Variants in MRPL54 observed in about 807,000 individuals in gnomAD.
MRPL54 encodes the protein mitochondrial ribosomal protein L54, also known as large ribosomal subunit protein mL54.
A neutral mutation model predicts 15.6 loss-of-function variants in MRPL54; 12 were observed. The observed-to-expected ratio is 0.77, with a 90% confidence interval of 0.49 to 1.24. MRPL54 has a LOEUF of 1.24. Among genes scored for constraint, MRPL54 ranks in the 50% most tolerant of loss-of-function variants. The pLI, the probability that MRPL54 is intolerant of heterozygous loss-of-function variation, is 0.00. For synonymous variants in MRPL54, 91 were observed against 75.7 expected (o/e 1.20, Z -1.05); for missense variants, 178 against 186.8 (o/e 0.95, Z 0.28).
chr19:3,765,366 T>A, intron 2 of MRPL54, 35 bp downstream of exon 2: 1 of 1,606,210 alleles, frequency 6.2e-7, no homozygotes, highest in Non-Finnish European at 8.5e-7. Flanking sequence ...CTGCAATGAC[T>A]ATTCCTTCCT....
rs148464598 is a variant in MRPL54 at position 3,766,457 on chromosome 19, G to A, written c.285-804G>A. ...TTGAACTCCTGACCTCAGGTGATCC[G>A]CCCACCTCGGCCTCCCAAAGTGCTG... On this transcript the variant is annotated intron_variant, in intron 2 of 2. Coordinates refer to ENST00000330133, the MANE Select transcript of MRPL54 (RefSeq NM_172251.3). Among the ~76,000 whole-genome samples the A allele has an allele frequency of 4.6e-3, 703 of 152,222 alleles. 12 individuals are homozygous for A. Among genetic ancestry groups the A allele is most frequent in the African/African-American group, 0.016 (669 of 41,562 alleles).
At chr19:3,765,026 CAAA>C (rs368567858) in intron 1 of MRPL54, 137 bp from the exon 2 acceptor site, 1,930 of 670,886 alleles carry the variant, frequency 2.9e-3, no homozygotes, top group South Asian at 4.5e-3. Context: ...GACTCCGTCT[CAAA>C]AAAAAAAAAA....
In MRPL54 at chr19:3,767,361, C is replaced by T. The variant is rs762191607; in HGVS notation, c.385C>T (p.His129Tyr). Reference protein sequence around the residue: ...RRLRKQNIWRHNRLSKNKRL With the variant: ...RRLRKQNIWRYNRLSKNKRL ...GCTGCGGAAACAGAACATCTGGCGC[C>T]ACAACCGGCTGAGCAAGAACAAGAG... The change falls in exon 3 of 3, where the codon CAC (histidine) becomes TAC (tyrosine). Residue 129 changes from histidine (H) to tyrosine (Y), a missense_variant. By Grantham distance (83) the His-to-Tyr change is moderately conservative. Coordinates refer to ENST00000330133, the MANE Select transcript of MRPL54 (RefSeq NM_172251.3). 3 of 1,610,452 alleles carry T rather than the reference C, an allele frequency of 1.9e-6. No individual in the cohort carries two copies. The South Asian group carries it at 3.3e-5, about 18-fold the overall frequency.
chr19:3,762,892 G>C, intron 1 of MRPL54, 74 bp downstream of exon 1: 1 of 1,268,366 alleles, frequency 7.9e-7, no homozygotes, highest in Non-Finnish European at 1.1e-6. Context: ...GGCGGTGGTT[G>C]GGGAGGTGGT....
intron 1 of MRPL54, 131 bp from the exon 2 acceptor site, chr19:3,765,035 A>C: frequency 1.0e-6 from 1 of 998,718 alleles, no homozygotes; most frequent in Non-Finnish European, 1.4e-6. Context: ...TCAAAAAAAA[A>C]AAAAAAGAAA....
intron 1 of MRPL54, among the ~76,000 whole-genome samples, chr19:3,763,491 G>A (rs2037170254): frequency 6.6e-6 from 1 of 152,010 alleles, no homozygotes; most frequent in Non-Finnish European, 1.5e-5. Flanking sequence ...AAGTGATTTC[G>A]AGGCCAGGCA....
At chr19:3,765,441 A>G (rs1440179240) in intron 2 of MRPL54, 110 bp downstream of exon 2, 2 of 1,220,470 alleles carry the variant, frequency 1.6e-6, no homozygotes, top group Non-Finnish European at 2.3e-6. Context: ...TAATAGTCAC[A>G]CCTACCCATC....
chr19:3,766,426 C>T (rs1284811123), intron 2 of MRPL54, among the ~76,000 whole-genome samples: 2 of 152,132 alleles, frequency 1.3e-5, no homozygotes, highest in Non-Finnish European at 2.9e-5. Flanking sequence ...GTTGGCCAGG[C>T]TGGTCTTGAA....
At chr19:3,766,849 G>T (rs2037202979) in intron 2 of MRPL54, among the ~76,000 whole-genome samples, 1 of 152,234 alleles carries the variant, frequency 6.6e-6, no homozygotes, top group South Asian at 2.1e-4. Flanking sequence ...GAACAGCGGG[G>T]AGGCCTGTGT....
At position 3,762,823 on chromosome 19, in the gene MRPL54, G is replaced by C. The variant is rs2145729824; in HGVS notation, c.118+5G>C. On this transcript the variant is annotated splice_donor_5th_base_variant and intron_variant, in intron 1 of 2. Transcript: ENST00000330133. ...GGGATTATGCCAAGAAACCAGGTGA[G>C]CTGGGTTAAGAGGAACCAAATGGGG... 7.6e-6 allele frequency: 12 copies of C among 1,574,330 alleles called. No homozygotes were observed. Among genetic ancestry groups the C allele is most frequent in the Non-Finnish European group, 1.0e-5 (12 of 1,159,220 alleles).
Position 3,765,216 on chromosome 19 carries a change from A to C in MRPL54, c.169A>C (p.Lys57Gln). 3.1e-6 allele frequency: 5 copies of C among 1,613,706 alleles called. 1 individual carries two copies. Among genetic ancestry groups the C allele is most frequent in the East Asian group, 2.2e-5 (1 of 44,830 alleles). The part of the protein sequence containing the change: ...GKGAVTSEAL[K>Q]DPDVCTDPVQ... Reference sequence around the variant, plus strand: ...AGGTGCAGTGACCAGCGAGGCCCTCAAGGACCCCGACGTATGCACAGATCC... The same window carrying C: ...AGGTGCAGTGACCAGCGAGGCCCTCCAGGACCCCGACGTATGCACAGATCC... The change falls in exon 2 of 3, where the codon AAG becomes CAG. Residue 57 changes from lysine to glutamine, a missense_variant. Physicochemically the swap from Lys to Gln is moderately conservative, Grantham distance 53. Transcript: ENST00000330133.
chr19:3,766,342 G>A (rs1343305482), intron 2 of MRPL54, among the ~76,000 whole-genome samples: 1 of 151,886 alleles, frequency 6.6e-6, no homozygotes, highest in Admixed American at 6.6e-5. Flanking sequence ...GCCTCCCAAA[G>A]TGCTGGGATT....
intron 1 of MRPL54, among the ~76,000 whole-genome samples, chr19:3,763,454 C>T (rs2037169941): frequency 6.6e-6 from 1 of 152,116 alleles, no homozygotes; most frequent in Non-Finnish European, 1.5e-5. Context: ...CTTAAAGTTA[C>T]TTAATGCTGT....
chr19:3,762,828 G>T lies in MRPL54; in HGVS notation c.118+10G>T. Reference sequence around the variant, plus strand: ...TATGCCAAGAAACCAGGTGAGCTGGGTTAAGAGGAACCAAATGGGGACGGT... The same window carrying T: ...TATGCCAAGAAACCAGGTGAGCTGGTTTAAGAGGAACCAAATGGGGACGGT... On this transcript the variant is annotated intron_variant, in intron 1 of 2. Transcript: ENST00000330133. 1 of 1,553,548 alleles carries T rather than the reference G, an allele frequency of 6.4e-7. No homozygotes were observed. The highest frequency in any genetic ancestry group is 8.7e-7 in the Non-Finnish European group (1 of 1,147,874).
rs146916855 is a variant in MRPL54, at chr19:3,765,278, C to T, written c.231C>T (p.Ile77=). ...QLTTYAMGVN[I]YKEGQDVPLK... The stretch of plus-strand genomic sequence containing the variant: ...CCACATATGCCATGGGCGTCAACAT[C>T]TACAAGGAAGGGCAGGATGTACCCC... The change falls in exon 2 of 3, where the codon ATC becomes ATT. Residue 77 remains isoleucine (I), a synonymous_variant. Transcript: ENST00000330133. 2.5e-6 allele frequency: 4 copies of T among 1,613,916 alleles called. No homozygotes were observed. In the African/African-American group the frequency reaches 5.3e-5, roughly 22 times the overall value.
At position 3,765,156 on chromosome 19, in the gene MRPL54, G is replaced by A. The variant is rs371667797; in HGVS notation, c.119-10G>A. 1.2e-4 allele frequency: 197 copies of A among 1,602,838 alleles called. No homozygotes were observed. Among genetic ancestry groups the A allele is most frequent in the East Asian group, 9.0e-4 (40 of 44,302 alleles). On this transcript the variant is annotated splice_polypyrimidine_tract_variant and intron_variant, in intron 1 of 2. Transcript: ENST00000330133. ...CTGGGCTGAAATGACTCTCCCTCTC[G>A]TCTCCCCAGTTATGAAGGGGGCCAA...
chr19:3,763,265 A>G (rs2037168050), intron 1 of MRPL54, among the ~76,000 whole-genome samples: 1 of 152,248 alleles, frequency 6.6e-6, no homozygotes, highest in African/African-American at 2.4e-5. Flanking sequence ...CCACTTCAGC[A>G]AGAACAAAAC....
chr19:3,765,755 G>A (rs1350718450), intron 2 of MRPL54, among the ~76,000 whole-genome samples: 3 of 151,758 alleles, frequency 2.0e-5, no homozygotes, highest in Non-Finnish European at 4.4e-5. Flanking sequence ...AAAATTAGCC[G>A]GGTGTGGTGG....
chr19:3,765,506 G>T (rs1044853851), intron 2 of MRPL54, among the ~76,000 whole-genome samples, 175 bp downstream of exon 2: 3 of 152,172 alleles, frequency 2.0e-5, no homozygotes, highest in African/African-American at 7.2e-5. Context: ...GGGGTGATGG[G>T]ACCCATCCCT....
Sources: allele counts gnomAD v4.1 joint callset (sites outside exome capture counted in the v4.1 genomes callset), GRCh38; gene constraint gnomAD v4.1.1; transcripts MANE v1.5; gene names NCBI Gene and HGNC (gene_info 2026-07-23, HGNC 2026-07-21).